Variants in CAMK2B observed in about 807,000 individuals in gnomAD.
The protein encoded by CAMK2B is calcium/calmodulin dependent protein kinase II beta.
CAMK2B carries 27 observed loss-of-function variants against 93.7 expected under a neutral mutation model. The ratio of observed to expected loss-of-function variants is 0.29; its 90% confidence interval spans 0.21 to 0.40. The LOEUF (loss-of-function observed/expected upper bound fraction) is 0.40, where lower values mean the gene tolerates loss of function less well. Among genes scored for constraint, CAMK2B ranks in the 10% least tolerant of loss-of-function variants. The pLI is 1.00. For missense variants in CAMK2B, 568 were observed against 895.8 expected (o/e 0.63, Z 4.67); for synonymous variants, 374 against 358.8 (o/e 1.04, Z -0.48).
At chr7:44,272,825 C>T (rs924899236) in intron 2 of CAMK2B, among the ~76,000 whole-genome samples, 4 of 152,212 alleles carry the variant, frequency 2.6e-5, no homozygotes, top group African/African-American at 9.7e-5. Flanking sequence ...AGCTGGGGCC[C>T]CATTCCCAGT....
chr7:44,226,473 C>T (rs2096480632), intron 20 of CAMK2B, 43 bp downstream of exon 20: 3 of 1,370,954 alleles, frequency 2.2e-6, no homozygotes, highest in South Asian at 4.0e-5. Flanking sequence ...GCCCCGAGCC[C>T]CTCCGGGCAG....
intron 2 of CAMK2B, among the ~76,000 whole-genome samples, chr7:44,283,522 G>A (rs1009178280): frequency 9.9e-5 from 15 of 152,236 alleles, no homozygotes; most frequent in African/African-American, 3.4e-4. Context: ...GCACGTCTGA[G>A]AAGCCCTCCC....
At chr7:44,296,348 A>G (rs1788306670) in intron 1 of CAMK2B, among the ~76,000 whole-genome samples, 1 of 152,230 alleles carries the variant, frequency 6.6e-6, no homozygotes, top group African/African-American at 2.4e-5. Flanking sequence ...AAAACCAACC[A>G]GTGAGTTTGA....
In CAMK2B at chr7:44,229,383, C is replaced by T; in HGVS notation, c.1339+5G>A. 1 of 1,523,086 alleles carries T rather than the reference C, an allele frequency of 6.6e-7. No homozygotes were observed. Among genetic ancestry groups the T allele is most frequent in the Non-Finnish European group, 8.8e-7 (1 of 1,131,678 alleles). The allele number at this position is 1,523,086 out of a possible 1,614,324, so 94.3% of individuals were successfully genotyped here. A position where few individuals can be genotyped will look rare whatever the true frequency, so the allele number is the denominator to read the frequency against. ...CCCCACAGCAGCAGGACCCAGGCTA[C>T]TTACATGGGGCTGGCAGGGGGCTAA... On this transcript the variant is annotated splice_donor_5th_base_variant and intron_variant, in intron 18 of 23. Coordinates refer to ENST00000395749, the MANE Select transcript of CAMK2B (RefSeq NM_001220.5).
chr7:44,238,463 G>C (rs2096646137), intron 13 of CAMK2B, among the ~76,000 whole-genome samples: 1 of 152,212 alleles, frequency 6.6e-6, no homozygotes, highest in Non-Finnish European at 1.5e-5. Flanking sequence ...CTGCGCTCTG[G>C]AAAGGCCTGT....
At chr7:44,228,274 G>A (rs992941101) in intron 19 of CAMK2B, among the ~76,000 whole-genome samples, 1 of 152,058 alleles carries the variant, frequency 6.6e-6, no homozygotes, top group Non-Finnish European at 1.5e-5. Context: ...CCCCTTGTTG[G>A]TGAGCTCCAG....
chr7:44,239,364 C>A (rs1165096494), intron 13 of CAMK2B, among the ~76,000 whole-genome samples: 2 of 152,218 alleles, frequency 1.3e-5, no homozygotes, highest in Non-Finnish European at 2.9e-5. Context: ...CAGGGGCCAC[C>A]TAGCCCAGCC....
At position 44,217,188 on chromosome 7, in the gene CAMK2B, A is replaced by T. The variant is rs2096356566; in HGVS notation, c.*2337T>A. ...TTTTTCTTTTATTTGCAGTTTCCCG[A>T]GACAGAACAAAATAAGAATAATTTT... On this transcript the variant is annotated 3_prime_UTR_variant, in exon 24 of 24. Coordinates refer to ENST00000395749, the MANE Select transcript of CAMK2B (RefSeq NM_001220.5). 1 of 152,638 alleles carries T rather than the reference A, an allele frequency of 6.6e-6. No individual in the cohort carries two copies. Among genetic ancestry groups the T allele is most frequent in the Non-Finnish European group, 1.5e-5 (1 of 68,046 alleles). The allele number at this position is 152,638 out of a possible 1,614,324, so 9.5% of individuals were successfully genotyped here.
intron 1 of CAMK2B, among the ~76,000 whole-genome samples, chr7:44,320,076 T>G (rs1795716297): frequency 6.6e-6 from 1 of 152,160 alleles, no homozygotes; most frequent in Admixed American, 6.5e-5. Flanking sequence ...TTACTTGGTG[T>G]GTGTGTGTAT....
intron 2 of CAMK2B, among the ~76,000 whole-genome samples, chr7:44,263,745 G>A (rs2096900479): frequency 6.6e-6 from 1 of 152,192 alleles, no homozygotes; most frequent in African/African-American, 2.4e-5. Context: ...GAGGCAGGAG[G>A]CTTTTAAAAA....
chr7:44,258,648 T>C (rs2096854536), intron 4 of CAMK2B, among the ~76,000 whole-genome samples: 1 of 152,212 alleles, frequency 6.6e-6, no homozygotes, highest in Non-Finnish European at 1.5e-5. Flanking sequence ...ATGTCAGCCC[T>C]GCCTCTGTGG....
At chr7:44,269,139 G>A (rs1227214441) in intron 2 of CAMK2B, among the ~76,000 whole-genome samples, 1 of 152,216 alleles carries the variant, frequency 6.6e-6, no homozygotes, top group Non-Finnish European at 1.5e-5. Flanking sequence ...GCATCTGCAG[G>A]GTGAGGCACA....
At chr7:44,290,536 T>A (rs1369689016) in intron 1 of CAMK2B, among the ~76,000 whole-genome samples, 1 of 152,246 alleles carries the variant, frequency 6.6e-6, no homozygotes, top group Admixed American at 6.5e-5. Context: ...TGAGGAGGCC[T>A]GGGCTAGGGG....
intron 9 of CAMK2B, 102 bp from the exon 10 acceptor site, chr7:44,242,442 C>T (rs1026149585): frequency 2.3e-5 from 36 of 1,532,782 alleles, no homozygotes; most frequent in Non-Finnish European, 3.1e-5. Context: ...TCTGGGAGAG[C>T]AGGACCCAGG....
intron 6 of CAMK2B, among the ~76,000 whole-genome samples, chr7:44,245,603 C>G (rs1228483913): frequency 6.6e-6 from 1 of 152,168 alleles, no homozygotes; most frequent in Non-Finnish European, 1.5e-5. Context: ...CCGAGGGGAG[C>G]ACCTGGGGGC....
chr7:44,233,405 T>G (rs1302360269), intron 15 of CAMK2B, among the ~76,000 whole-genome samples: 1 of 152,066 alleles, frequency 6.6e-6, no homozygotes, highest in African/African-American at 2.4e-5. Flanking sequence ...GCCTGGCTGC[T>G]CTGAGCAGCT....
chr7:44,246,689 C>T (rs1012324571), intron 6 of CAMK2B, among the ~76,000 whole-genome samples: 1 of 152,184 alleles, frequency 6.6e-6, no homozygotes, highest in African/African-American at 2.4e-5. Flanking sequence ...ATGCACATCC[C>T]TGCACAGGTG....
chr7:44,221,423 C>A lies in CAMK2B; in HGVS notation c.1598-522G>T, dbSNP rs550493702. On this transcript the variant is annotated intron_variant, in intron 20 of 23. Transcript: ENST00000395749. ...CAGGCACCAGGCGAGAAGGCAGAGACCTGCCTCAGAGAAGGAGCCGTCAGC... is the reference window on the plus strand; with the variant it reads ...CAGGCACCAGGCGAGAAGGCAGAGAACTGCCTCAGAGAAGGAGCCGTCAGC... Among the ~76,000 whole-genome samples the A allele has an allele frequency of 3.3e-5, 5 of 152,296 alleles. No individual in the cohort carries two copies. The South Asian group carries it at 1.0e-3, about 32-fold the overall frequency.
intron 20 of CAMK2B, among the ~76,000 whole-genome samples, chr7:44,221,825 T>C (rs1562771004): frequency 2.0e-5 from 3 of 152,356 alleles, no homozygotes; most frequent in Non-Finnish European, 1.5e-5. Context: ...CTTATTTTCA[T>C]TGCAAAAGAT....
Sources: gnomAD v4.1 joint callset for allele counts (sites outside exome capture counted in the v4.1 genomes callset) on GRCh38, gnomAD v4.1.1 for gene constraint, MANE v1.5 for transcripts, NCBI Gene and HGNC (gene_info 2026-07-23, HGNC 2026-07-21) for gene names.